HMCN2: variants seen among roughly 807,000 people sequenced by gnomAD.
The protein encoded by HMCN2 is hemicentin 2, also known as hemicentin-2.
In HMCN2, 325 loss-of-function variants were observed where a neutral mutation model predicts 377.5. The observed-to-expected ratio is 0.86, with a 90% CI of 0.79 to 0.94. The LOEUF (loss-of-function observed/expected upper bound fraction) is 0.94. Among genes scored for constraint, HMCN2 ranks in the 40% least tolerant of loss-of-function variants. The pLI is 0.00. For missense variants in HMCN2, 4,543 were observed against 4,725.3 expected (o/e 0.96, Z 1.13); for synonymous variants, 2,007 against 2,046.8 (o/e 0.98, Z 0.53).
At position 130,428,432 on chromosome 9, in the gene HMCN2, C is replaced by A. The variant is rs976196073; in HGVS notation, c.14140C>A (p.Arg4714Ser). The A allele has an allele frequency of 8.4e-6, 13 of 1,546,592 alleles. No homozygotes were observed. Among genetic ancestry groups the A allele is most frequent in the Middle Eastern group, 3.3e-4 (2 of 5,988 alleles). ...QRCVNLLGSY[R>S]CLPDCGPGFR... ...CTGTGTGAACCTGCTCGGGTCCTAC[C>A]GCTGCCTCCCCGACTGTGGGCCTGG... The change falls in exon 93 of 98, where the codon CGC (arginine) becomes AGC (serine). Residue 4714 changes from arginine (R) to serine (S), a missense_variant. Coordinates refer to ENST00000683500, the MANE Select transcript of HMCN2 (RefSeq NM_001291815.2). The surrounding 1 kb of genome is among the most constrained non-coding windows in gnomAD (Gnocchi z 5.0).
At chr9:130,352,812 G>A (rs966088420) in intron 30 of HMCN2, 115 bp from the exon 31 acceptor site, 10 of 841,656 alleles carry the variant, frequency 1.2e-5, no homozygotes, top group Admixed American at 8.6e-5. Flanking sequence ...CCCTGCCCCC[G>A]CAATGGAAGC....
Position 130,351,476 on chromosome 9 carries a change from T to G in HMCN2, c.4484T>G (p.Leu1495Arg). ...HLQVQEDGQV[L>R]RITGSHVGDE... ...CAGGTCCAGGAGGATGGCCAGGTTC[T>G]CAGGATCACCGGCAGTCACGTGGGG... The change falls in exon 30 of 98, where the codon CTC (leucine) becomes CGC (arginine). Residue 1495 changes from leucine (L) to arginine (R), a missense_variant. Physicochemically the swap from Leu to Arg is moderately radical, Grantham distance 102. Around this residue, in one of 5 missense-constraint regions of HMCN2, gnomAD observed 1,032 missense variants for 1,285.1 expected, o/e 0.80. Transcript: ENST00000683500. The surrounding 1 kb of genome is among the most constrained non-coding windows in gnomAD (Gnocchi z 5.4). The G allele has an allele frequency of 2.3e-6, 3 of 1,304,310 alleles. No individual in the cohort carries two copies. Among genetic ancestry groups the G allele is most frequent in the Non-Finnish European group, 3.0e-6 (3 of 988,956 alleles). 80.8% of individuals were successfully genotyped at this position (1,304,310 alleles called of 1,614,324 possible). A position where few individuals can be genotyped will look rare whatever the true frequency, so the allele number is the denominator to read the frequency against.
chr9:130,357,225 AATGGGTGGGTGG>A (rs1840081477), intron 34 of HMCN2, among the ~76,000 whole-genome samples: 1 of 86,884 alleles, frequency 1.2e-5, no homozygotes, highest in African/African-American at 4.6e-5. Flanking sequence ...TAGATGGATG[AATGGGTGGGTGG>A]GTGGATGGAT....
At chr9:130,353,901 T>A (rs907410277) in intron 31 of HMCN2, among the ~76,000 whole-genome samples, 2 of 152,082 alleles carry the variant, frequency 1.3e-5, no homozygotes, top group African/African-American at 4.8e-5. Flanking sequence ...GGGGTCAGCC[T>A]GGCCCCCCGT....
At chr9:130,430,842 G>C in intron 95 of HMCN2, 1 of 545,634 alleles carries the variant, frequency 1.8e-6, no homozygotes, top group Non-Finnish European at 3.2e-6. Flanking sequence ...TTGACTTCAG[G>C]ACACTTTGCC....
chr9:130,407,742 C>T, intron 83 of HMCN2, 37 bp downstream of exon 83: 1 of 1,177,428 alleles, frequency 8.5e-7, no homozygotes, highest in Non-Finnish European at 1.1e-6. Flanking sequence ...TCTCTCAAGA[C>T]CTCCAGTCTA....
intron 4 of HMCN2, among the ~76,000 whole-genome samples, chr9:130,286,787 GC>G (rs1554927925): frequency 6.6e-6 from 1 of 152,228 alleles, no homozygotes; most frequent in Non-Finnish European, 1.5e-5. Flanking sequence ...GCAGGGAGGG[GC>G]TGGCTTGCTG....
rs1398896355 is a variant in HMCN2, at chr9:130,308,188, C to T, written c.2200+622C>T. On this transcript the variant is annotated intron_variant, in intron 14 of 97. Coordinates refer to ENST00000683500, the MANE Select transcript of HMCN2 (RefSeq NM_001291815.2). This position sits in a 1 kb window ranked among gnomAD's most constrained non-coding sequence, Gnocchi z 4.1. The stretch of plus-strand genomic sequence containing the variant: ...GACAGGCTAGTCTGGAACTCCTGAC[C>T]TCAGGTGACCCACTCGCCTCGGCTT... Among the ~76,000 whole-genome samples the T allele has an allele frequency of 6.6e-6, 1 of 152,186 alleles. No homozygotes were observed. Among genetic ancestry groups the T allele is most frequent in the African/African-American group, 2.4e-5 (1 of 41,444 alleles).
In HMCN2 at chr9:130,379,484, T is replaced by A. The variant is rs1841583336; in HGVS notation, c.8431+17T>A. The A allele has an allele frequency of 1.0e-6, 1 of 981,654 alleles. No homozygotes were observed. The highest frequency in any genetic ancestry group is 1.2e-6 in the Non-Finnish European group (1 of 826,414). 60.8% of individuals were successfully genotyped at this position (981,654 alleles called of 1,614,324 possible). ...TGCTGCAAGGTGGGTCAGGGGTGCG[T>A]GAAGAAAGTGGGCGCTTTGAGCTCT... On this transcript the variant is annotated intron_variant, in intron 54 of 97. Coordinates refer to ENST00000683500, the MANE Select transcript of HMCN2 (RefSeq NM_001291815.2).
chr9:130,369,660 G>A lies in HMCN2; in HGVS notation c.6878G>A (p.Gly2293Glu), dbSNP rs1257314106. ...GCCACTCTGGAGTGCAACGCCACAG[G>A]GAAACCCCCTCCGACAGTGACATGG... Reference protein sequence around the residue: ...GVATLECNATGKPPPTVTWER... With the variant: ...GVATLECNATEKPPPTVTWER... The change falls in exon 45 of 98, where the codon GGG becomes GAG. Residue 2293 changes from glycine to glutamate, a missense_variant. Coordinates refer to ENST00000683500, the MANE Select transcript of HMCN2 (RefSeq NM_001291815.2). This position sits in a 1 kb window ranked among gnomAD's most constrained non-coding sequence, Gnocchi z 4.5. 1.0e-6 allele frequency: 1 copy of A among 985,820 alleles called. No individual in the cohort carries two copies. The highest frequency in any genetic ancestry group is 1.7e-5 in the African/African-American group (1 of 57,236). 61.1% of individuals were successfully genotyped at this position (985,820 alleles called of 1,614,324 possible). A position where few individuals can be genotyped will look rare whatever the true frequency, so the allele number is the denominator to read the frequency against.
At chr9:130,419,321 C>A (rs1843861543) in intron 86 of HMCN2, 1 of 307,078 alleles carries the variant, frequency 3.3e-6, no homozygotes, top group Non-Finnish European at 6.0e-6. Context: ...ACTGCACAGC[C>A]CCTGGAAGCA....
At chr9:130,323,013 T>G (rs1837935450) in intron 19 of HMCN2, among the ~76,000 whole-genome samples, 1 of 152,128 alleles carries the variant, frequency 6.6e-6, no homozygotes. Context: ...CAATTCTAGG[T>G]GCCATCCCCT....
At chr9:130,283,007 G>A (rs1311491764) in intron 1 of HMCN2, among the ~76,000 whole-genome samples, 1 of 152,184 alleles carries the variant, frequency 6.6e-6, no homozygotes, top group East Asian at 1.9e-4. Context: ...GGAGGTGGAG[G>A]TTGCAGTGAG....
intron 1 of HMCN2, 59 bp downstream of exon 1, chr9:130,266,196 G>GC (rs1373811959): frequency 2.5e-6 from 1 of 399,920 alleles, no homozygotes; most frequent in Non-Finnish European, 4.8e-6. Context: ...TCACCTGCCT[G>GC]ACCCCCTCAG....
At chr9:130,305,782 A>G (rs1554936442) in intron 11 of HMCN2, among the ~76,000 whole-genome samples, 1 of 152,174 alleles carries the variant, frequency 6.6e-6, no homozygotes, top group Non-Finnish European at 1.5e-5. Flanking sequence ...GGTCAACCTC[A>G]AGGTCACTGG....
intron 14 of HMCN2, among the ~76,000 whole-genome samples, chr9:130,309,064 T>C (rs781840722): frequency 6.6e-6 from 1 of 152,278 alleles, no homozygotes; most frequent in Non-Finnish European, 1.5e-5. Context: ...GCCACTGAGC[T>C]GGCTGCACAC....
chr9:130,413,370 G>A (rs1401602191), intron 85 of HMCN2, among the ~76,000 whole-genome samples: 1 of 152,190 alleles, frequency 6.6e-6, no homozygotes, highest in Non-Finnish European at 1.5e-5. Context: ...CATGGGGCGT[G>A]ATGTTAGCTG....
At position 130,359,353 on chromosome 9, in the gene HMCN2, G is replaced by C. The variant is rs774146067; in HGVS notation, c.5712G>C (p.Lys1904Asn). Residue 1904 changes from lysine to asparagine, a missense_variant, in exon 37 of 98, where the codon AAG becomes AAC. This residue lies in a region of HMCN2 where 1,032 missense variants were observed against 1,285.1 expected (regional missense o/e 0.80). Transcript: ENST00000683500. The part of the protein sequence containing the change: ...PPNIEPGPVN[K>N]AVLENASVTL... Reference sequence around the variant, plus strand: ...ACATCGAGCCAGGCCCAGTCAACAAGGCAGTGCTGGAAAATGCCTCAGTGA... The same window carrying C: ...ACATCGAGCCAGGCCCAGTCAACAACGCAGTGCTGGAAAATGCCTCAGTGA... 1.5e-5 allele frequency: 19 copies of C among 1,304,136 alleles called. No individual in the cohort carries two copies. Among genetic ancestry groups the C allele is most frequent in the Non-Finnish European group, 1.9e-5 (19 of 988,738 alleles). The allele number at this position is 1,304,136 out of a possible 1,614,324, so 80.8% of individuals were successfully genotyped here.
chr9:130,290,606 G>A (rs782348059), intron 4 of HMCN2, among the ~76,000 whole-genome samples: 30 of 152,108 alleles, frequency 2.0e-4, no homozygotes, highest in Admixed American at 5.2e-4. Flanking sequence ...GCTTCTGTGG[G>A]CCTCTCCAGC....
Sources: gnomAD v4.1 joint callset for allele counts (sites outside exome capture counted in the v4.1 genomes callset) on GRCh38, gnomAD v4.1.1 for gene constraint, gnomAD v4.1.1 regional missense constraint, Gnocchi (gnomAD v3.1) non-coding constraint, MANE v1.5 for transcripts, NCBI Gene and HGNC (gene_info 2026-07-23, HGNC 2026-07-21) for gene names.